Variants in RFX4 observed in about 807,000 individuals in gnomAD.
RFX4 encodes regulatory factor X4, also known as transcription factor RFX4.
In RFX4, 10 loss-of-function variants were observed where a neutral mutation model predicts 95.0. The observed-to-expected ratio is 0.11, with a 90% CI of 0.06 to 0.18. The LOEUF (loss-of-function observed/expected upper bound fraction) is 0.18, where lower values mean the gene tolerates loss of function less well. Among genes scored for constraint, RFX4 ranks in the 10% least tolerant of loss-of-function variants. The pLI is 1.00. For missense variants in RFX4, 640 were observed against 922.0 expected (o/e 0.69, Z 3.96); for synonymous variants, 321 against 340.7 (o/e 0.94, Z 0.64).
At chr12:106,606,931 C>T (rs2039846368) in intron 1 of RFX4, among the ~76,000 whole-genome samples, 1 of 152,172 alleles carries the variant, frequency 6.6e-6, no homozygotes, top group Non-Finnish European at 1.5e-5. Context: ...TTCCTCGGCT[C>T]TTTGAATTAT....
At chr12:106,632,466 A>G (rs2040434467) in intron 2 of RFX4, among the ~76,000 whole-genome samples, 1 of 152,194 alleles carries the variant, frequency 6.6e-6, no homozygotes, top group Non-Finnish European at 1.5e-5. Flanking sequence ...TGGCAGGACC[A>G]GTTCCTAAAG....
intron 17 of RFX4, among the ~76,000 whole-genome samples, chr12:106,757,919 A>C (rs1458368602): frequency 6.6e-6 from 1 of 152,228 alleles, no homozygotes; most frequent in Non-Finnish European, 1.5e-5. Flanking sequence ...CATCTGATGA[A>C]CGTTGGACTG....
intron 13 of RFX4, among the ~76,000 whole-genome samples, chr12:106,724,750 G>A (rs574309786): frequency 9.9e-5 from 15 of 152,136 alleles, no homozygotes; most frequent in East Asian, 1.9e-4. Flanking sequence ...AGCTGGGCGC[G>A]ATGGCTCACA....
intron 16 of RFX4, among the ~76,000 whole-genome samples, chr12:106,748,394 C>T (rs1362922410): frequency 2.6e-5 from 4 of 152,170 alleles, no homozygotes; most frequent in Admixed American, 2.6e-4. Flanking sequence ...CTTTAGGCTG[C>T]AGTTATTCAT....
chr12:106,657,370 G>A (rs1276395652), intron 4 of RFX4, among the ~76,000 whole-genome samples: 1 of 152,162 alleles, frequency 6.6e-6, no homozygotes, highest in East Asian at 1.9e-4. Context: ...CTGTCCCCCA[G>A]GGACAACCAG....
intron 4 of RFX4, among the ~76,000 whole-genome samples, chr12:106,668,356 T>G (rs1009828932): frequency 2.0e-5 from 3 of 152,184 alleles, no homozygotes; most frequent in African/African-American, 7.2e-5. Flanking sequence ...AGCCCAGTGA[T>G]TTTCCCTTAC....
intron 8 of RFX4, among the ~76,000 whole-genome samples, chr12:106,704,965 G>C (rs2042056440): frequency 6.6e-6 from 1 of 152,140 alleles, no homozygotes. Flanking sequence ...ACTGGAGATG[G>C]GGAGCAGCAA....
At chr12:106,596,084 C>T (rs561795165) in intron 1 of RFX4, among the ~76,000 whole-genome samples, 1 of 152,274 alleles carries the variant, frequency 6.6e-6, no homozygotes, top group South Asian at 2.1e-4. Context: ...TCCCCCAACC[C>T]CCACACACAA....
intron 1 of RFX4, chr12:106,601,228 C>T: frequency 6.4e-7 from 1 of 1,552,508 alleles, no homozygotes; most frequent in Non-Finnish European, 8.7e-7. Flanking sequence ...TGTGTCGCCA[C>T]TGCCACCGGC....
At chr12:106,585,284 C>T (rs2039438612) in intron 1 of RFX4, among the ~76,000 whole-genome samples, 1 of 152,182 alleles carries the variant, frequency 6.6e-6, no homozygotes, top group Admixed American at 6.5e-5. Context: ...TTTCTGTTCT[C>T]GATGCAACTG....
chr12:106,725,204 T>A (rs150711339), intron 13 of RFX4, among the ~76,000 whole-genome samples: 44 of 152,252 alleles, frequency 2.9e-4, no homozygotes, highest in African/African-American at 1.0e-3. Context: ...GCCCCAAATG[T>A]GAAGTCACTT....
intron 3 of RFX4, among the ~76,000 whole-genome samples, chr12:106,643,533 T>G (rs999525075): frequency 6.6e-5 from 10 of 152,162 alleles, no homozygotes; most frequent in Non-Finnish European, 1.3e-4. Context: ...AAAATATGGT[T>G]TCAGTATAAA....
intron 4 of RFX4, among the ~76,000 whole-genome samples, chr12:106,660,096 G>A (rs969856188): frequency 3.3e-5 from 5 of 151,974 alleles, no homozygotes; most frequent in Non-Finnish European, 7.4e-5. Flanking sequence ...CTCAGCACCC[G>A]GGTTCATCCA....
At chr12:106,675,879 G>T (rs534929168) in intron 4 of RFX4, among the ~76,000 whole-genome samples, 1 of 152,184 alleles carries the variant, frequency 6.6e-6, no homozygotes, top group Non-Finnish European at 1.5e-5. Context: ...ACAGGAATTG[G>T]GAGAGGACGG....
chr12:106,649,547 T>TA (rs1240050810), intron 3 of RFX4, among the ~76,000 whole-genome samples: 4 of 152,176 alleles, frequency 2.6e-5, no homozygotes, highest in African/African-American at 9.7e-5. Flanking sequence ...AACCATGACT[T>TA]ACACCCATCT....
chr12:106,599,171 T>C (rs1381588749), intron 1 of RFX4, among the ~76,000 whole-genome samples: 1 of 150,252 alleles, frequency 6.7e-6, no homozygotes, highest in Non-Finnish European at 1.5e-5. Flanking sequence ...TTCTTTTTTT[T>C]TTCCTCCTCG....
In RFX4 at chr12:106,734,470, C is replaced by T. The variant is rs373070273; in HGVS notation, c.1633+1385C>T. On this transcript the variant is annotated intron_variant, in intron 15 of 17. Transcript: ENST00000392842. ...AATTAGCCGGGCATGGTAGCACATG[C>T]CTGTAATCCCAGCTACTAAGGAGGC... Among the ~76,000 whole-genome samples the T allele has an allele frequency of 3.9e-5, 6 of 152,014 alleles. No homozygotes were observed. In the South Asian group the frequency reaches 1.0e-3, roughly 26 times the overall value.
At chr12:106,682,099 G>A (rs1344416495) in intron 5 of RFX4, 45 bp downstream of exon 5, 1 of 1,599,506 alleles carries the variant, frequency 6.3e-7, no homozygotes, top group South Asian at 1.1e-5. Flanking sequence ...CACATCTATG[G>A]GCCTCGAGAC....
chr12:106,714,068 C>CAAAAAAAAAAAAAAAAAAAAAAAA (rs58283896), intron 10 of RFX4, among the ~76,000 whole-genome samples: 4 of 30,526 alleles, frequency 1.3e-4, no homozygotes, highest in African/African-American at 3.1e-4. Context: ...AACTCCATCT[C>CAAAAAAAAAAAAAAAAAAAAAAAA]AAAAAAAAAA....
Sources: gnomAD v4.1 joint callset for allele counts (sites outside exome capture counted in the v4.1 genomes callset) on GRCh38, gnomAD v4.1.1 for gene constraint, MANE v1.5 for transcripts, NCBI Gene and HGNC (gene_info 2026-07-23, HGNC 2026-07-21) for gene names.